Variants in NAALADL2 observed in about 807,000 individuals in gnomAD.
The protein encoded by NAALADL2 is N-acetylated alpha-linked acidic dipeptidase like 2.
A neutral mutation model predicts 87.2 loss-of-function variants in NAALADL2; 76 were observed. The observed-to-expected ratio is 0.87, with a 90% CI of 0.72 to 1.05. The LOEUF is 1.05. Among genes scored for constraint, NAALADL2 ranks in the 50% least tolerant of loss-of-function variants. The pLI is 0.00. For missense variants in NAALADL2, 1,089 were observed against 945.8 expected, an observed-to-expected ratio of 1.15 and a Z score of -1.99; for synonymous variants, 354 against 331.0, an observed-to-expected ratio of 1.07 and a Z score of -0.75.
At chr3:174,837,663 G>A (rs1179231449) in intron 3 of NAALADL2, among the ~76,000 whole-genome samples, 2 of 151,992 alleles carry the variant, frequency 1.3e-5, no homozygotes, top group East Asian at 1.9e-4. Context: ...GTGTGGTGGT[G>A]CGCACCTATA....
intron 3 of NAALADL2, among the ~76,000 whole-genome samples, chr3:174,754,531 G>C (rs1011617245): frequency 3.6e-5 from 5 of 138,798 alleles, no homozygotes; most frequent in Admixed American, 7.6e-5. Flanking sequence ...GGCCATTGTA[G>C]TTCATTGTAA....
intron 2 of NAALADL2, among the ~76,000 whole-genome samples, chr3:175,167,334 A>G (rs977132187): frequency 6.6e-6 from 1 of 151,984 alleles, no homozygotes; most frequent in Admixed American, 6.6e-5. Flanking sequence ...ATATTATGTC[A>G]CTCCTCTGCT....
At chr3:175,017,770 G>A (rs925820241) in intron 1 of NAALADL2, among the ~76,000 whole-genome samples, 2 of 151,894 alleles carry the variant, frequency 1.3e-5, no homozygotes, top group African/African-American at 2.4e-5. Context: ...TATTTTTGGG[G>A]GGCACTGAAG....
chr3:175,083,556 T>A (rs1718299401), intron 1 of NAALADL2, among the ~76,000 whole-genome samples: 1 of 152,122 alleles, frequency 6.6e-6, no homozygotes, highest in East Asian at 1.9e-4. Context: ...TTTTCTGGAG[T>A]TCATAGCTAG....
rs1326632876 is a variant in NAALADL2, at chr3:175,605,653, TTTTA to T, written c.1801-21637_1801-21634del. Among the ~76,000 whole-genome samples, 64 of 142,386 alleles carry T rather than the reference TTTTA, an allele frequency of 4.5e-4. 1 individual carries two copies. Among genetic ancestry groups the T allele is most frequent in the Non-Finnish European group, 7.6e-4 (49 of 64,056 alleles). 93.4% of individuals were successfully genotyped at this position (142,386 alleles called of 152,430 possible). On this transcript the variant is annotated intron_variant, in intron 10 of 13. Transcript: ENST00000454872. ...TGTATATTGCTTGTTTTTTTTTTTTTTTTAACTGTATTTAGATAACACGTAATTA... is the reference window on the plus strand; with the variant it reads ...TGTATATTGCTTGTTTTTTTTTTTTTACTGTATTTAGATAACACGTAATTA...
At chr3:174,992,942 T>C (rs1331495793) in intron 1 of NAALADL2, among the ~76,000 whole-genome samples, 1 of 152,124 alleles carries the variant, frequency 6.6e-6, no homozygotes, top group South Asian at 2.1e-4. Context: ...TTTTGTTGAC[T>C]AGAAAGTGTT....
intron 1 of NAALADL2, among the ~76,000 whole-genome samples, chr3:175,039,894 T>TA (rs1753854403): frequency 6.6e-6 from 1 of 152,224 alleles, no homozygotes; most frequent in African/African-American, 2.4e-5. Context: ...TCCTTTAGTT[T>TA]TGCGGTTGAA....
At chr3:174,734,776 C>A (rs1049309458) in intron 2 of NAALADL2, among the ~76,000 whole-genome samples, 20 of 151,986 alleles carry the variant, frequency 1.3e-4, no homozygotes, top group African/African-American at 3.9e-4. Flanking sequence ...CCTTAAGCAC[C>A]TTTTTCTCTA....
chr3:174,449,967 T>A (rs2108269758), intron 1 of NAALADL2, among the ~76,000 whole-genome samples: 1 of 152,180 alleles, frequency 6.6e-6, no homozygotes, highest in South Asian at 2.1e-4. Context: ...CTTACCAATT[T>A]TTGAAAGTTA....
chr3:175,726,940 C>A (rs927477503), intron 11 of NAALADL2, among the ~76,000 whole-genome samples: 2 of 152,104 alleles, frequency 1.3e-5, no homozygotes, highest in African/African-American at 4.8e-5. Context: ...TTCTTCAATG[C>A]CCTGGTGTTG....
upstream of NAALADL2, among the ~76,000 whole-genome samples, chr3:174,857,281 A>G (rs1177156013): frequency 1.3e-5 from 2 of 152,190 alleles, no homozygotes; most frequent in Non-Finnish European, 2.9e-5. Context: ...ATGTGTGCAC[A>G]TGGCACTTTA....
intron 9 of NAALADL2, among the ~76,000 whole-genome samples, chr3:175,510,010 C>T (rs1467106935): frequency 1.3e-5 from 2 of 151,466 alleles, no homozygotes; most frequent in Non-Finnish European, 2.9e-5. Flanking sequence ...CCTCCCCCCA[C>T]CCCACAACAG....
chr3:175,147,701 TACC>T (rs1289192777), intron 2 of NAALADL2, among the ~76,000 whole-genome samples: 11 of 152,158 alleles, frequency 7.2e-5, no homozygotes, highest in Admixed American at 6.6e-4. Flanking sequence ...TAATTTATAT[TACC>T]ACCAACAGCG....
At chr3:175,176,022 C>G (rs1418091249) in intron 2 of NAALADL2, among the ~76,000 whole-genome samples, 14 of 152,028 alleles carry the variant, frequency 9.2e-5, no homozygotes, top group Admixed American at 9.2e-4. Context: ...GACTAACATT[C>G]TATTTTGATG....
intron 3 of NAALADL2, among the ~76,000 whole-genome samples, chr3:174,808,284 G>C (rs1331278832): frequency 6.6e-6 from 1 of 151,846 alleles, no homozygotes; most frequent in East Asian, 1.9e-4. Flanking sequence ...TTTAAACAAG[G>C]CCTCCCTATA....
intron 6 of NAALADL2, among the ~76,000 whole-genome samples, chr3:175,460,820 G>C (rs750337249): frequency 2.0e-5 from 3 of 152,146 alleles, no homozygotes; most frequent in Non-Finnish European, 4.4e-5. Flanking sequence ...TTCCCAAAGA[G>C]GCAGGGTGTT....
chr3:174,748,740 A>G (rs1230614849), intron 3 of NAALADL2, among the ~76,000 whole-genome samples: 1 of 152,284 alleles, frequency 6.6e-6, no homozygotes, highest in African/African-American at 2.4e-5. Flanking sequence ...GCATTTTTTC[A>G]TTATTGAGAT....
At chr3:174,746,050 A>G (rs546145210) in intron 3 of NAALADL2, among the ~76,000 whole-genome samples, 112 of 152,310 alleles carry the variant, frequency 7.4e-4, no homozygotes, top group Non-Finnish European at 5.9e-5. Flanking sequence ...TACCACTCCT[A>G]TTCAACACAG....
chr3:174,611,408 T>C (rs948023072), intron 2 of NAALADL2, among the ~76,000 whole-genome samples: 6 of 152,218 alleles, frequency 3.9e-5, no homozygotes, highest in Admixed American at 2.6e-4. Flanking sequence ...TTGTTCTTTC[T>C]GTTTATATCT....
Sources: allele counts gnomAD v4.1 joint callset (sites outside exome capture counted in the v4.1 genomes callset), GRCh38; gene constraint gnomAD v4.1.1; transcripts MANE v1.5; gene names NCBI Gene and HGNC (gene_info 2026-07-23, HGNC 2026-07-21).